The following GABRB2 variants were observed in gnomAD, a reference collection of about 807,000 sequenced individuals.
The protein encoded by GABRB2 is gamma-aminobutyric acid receptor subunit beta-2.
In GABRB2, 16 loss-of-function variants were observed where a neutral mutation model predicts 54.7. The ratio of observed to expected loss-of-function variants is 0.29; its 90% CI spans 0.20 to 0.44. The LOEUF (loss-of-function observed/expected upper bound fraction) is 0.44, where lower values mean the gene tolerates loss of function less well. Ranked by LOEUF, GABRB2 falls within the 20% of genes least tolerant of loss-of-function variation. GABRB2 has a pLI of 1.00. For missense variants in GABRB2, 355 were observed against 644.0 expected, an observed-to-expected ratio of 0.55 and a Z score of 4.86; for synonymous variants, 244 against 233.8, an observed-to-expected ratio of 1.04 and a Z score of -0.40.
intron 5 of GABRB2, among the ~76,000 whole-genome samples, chr5:161,355,162 T>G (rs192773613): frequency 1.3e-5 from 2 of 151,900 alleles, no homozygotes; most frequent in East Asian, 3.9e-4. Context: ...ATTTTCTTTA[T>G]AGTTGATCAT....
intron 4 of GABRB2, among the ~76,000 whole-genome samples, chr5:161,445,578 T>C (rs1757593188): frequency 6.6e-6 from 1 of 152,120 alleles, no homozygotes; most frequent in Non-Finnish European, 1.5e-5. Context: ...AGAGACTCTT[T>C]AAGTCTGATA....
At position 161,336,962 on chromosome 5, in the gene GABRB2, A is replaced by C. The variant is rs1754012861; in HGVS notation, c.542-193T>G. Among the ~76,000 whole-genome samples the C allele has an allele frequency of 3.9e-5, 6 of 152,126 alleles. No homozygotes were observed. In the South Asian group the frequency reaches 1.2e-3, roughly 31 times the overall value. The stretch of plus-strand genomic sequence containing the variant: ...ATTACTGTATTTAATCCTCATGACG[A>C]TCTCATTAGGGTAGTATAATTAGGC... On this transcript the variant is annotated intron_variant, in intron 5 of 9. Coordinates refer to ENST00000393959, the MANE Select transcript of GABRB2 (RefSeq NM_001371727.1).
rs937660363 is a variant in GABRB2 at position 161,313,582 on chromosome 5, G to T, written c.1191+12786C>A. 2.0e-5 allele frequency among the ~76,000 whole-genome samples: 3 copies of T among 151,298 alleles called. No homozygotes were observed. In the East Asian group the frequency reaches 5.9e-4, roughly 30 times the overall value. On this transcript the variant is annotated intron_variant, in intron 9 of 9. Coordinates refer to ENST00000393959, the MANE Select transcript of GABRB2 (RefSeq NM_001371727.1). ...GAGAGAGCCAATGCTACTGAATTTA[G>T]AAATAGATCTTAGGAAAATGGGAAA...
At chr5:161,442,642 G>A (rs566301832) in intron 4 of GABRB2, among the ~76,000 whole-genome samples, 11 of 152,272 alleles carry the variant, frequency 7.2e-5, no homozygotes, top group African/African-American at 2.6e-4. Flanking sequence ...CTCCACAGGT[G>A]GCAGCCATTC....
intron 9 of GABRB2, among the ~76,000 whole-genome samples, chr5:161,311,365 A>T (rs1024108672): frequency 1.3e-5 from 2 of 151,838 alleles, no homozygotes; most frequent in Admixed American, 6.6e-5. Flanking sequence ...CTTCACACGC[A>T]ATCTGTGATT....
intron 3 of GABRB2, among the ~76,000 whole-genome samples, chr5:161,471,671 G>C (rs1400058728): frequency 6.6e-6 from 1 of 151,880 alleles, no homozygotes; most frequent in Non-Finnish European, 1.5e-5. Context: ...CTGGTTCTAA[G>C]GATTGCTAAA....
chr5:161,443,252 T>C (rs965778132), intron 4 of GABRB2, among the ~76,000 whole-genome samples: 1 of 152,220 alleles, frequency 6.6e-6, no homozygotes. Context: ...AAGGATAAAA[T>C]AGCTTTTTGT....
chr5:161,324,539 A>G (rs189236887), intron 9 of GABRB2, among the ~76,000 whole-genome samples: 1 of 152,278 alleles, frequency 6.6e-6, no homozygotes, highest in Non-Finnish European at 1.5e-5. Context: ...TAAAGCTTGG[A>G]AAGGTTAAAC....
chr5:161,335,511 G>A (rs1377686017), intron 6 of GABRB2, among the ~76,000 whole-genome samples: 3 of 152,112 alleles, frequency 2.0e-5, no homozygotes, highest in Non-Finnish European at 4.4e-5. Context: ...TAAAGAATCA[G>A]CTTCCTAAAT....
At chr5:161,544,701 T>C (rs1007204480) in intron 3 of GABRB2, among the ~76,000 whole-genome samples, 2 of 152,062 alleles carry the variant, frequency 1.3e-5, no homozygotes, top group Admixed American at 6.6e-5. Context: ...GCAGGAGGGA[T>C]TAAAGCAAGC....
intron 3 of GABRB2, among the ~76,000 whole-genome samples, chr5:161,528,959 C>T (rs1380863393): frequency 4.6e-5 from 7 of 151,788 alleles, no homozygotes; most frequent in Admixed American, 6.6e-5. Context: ...GATAGGTATG[C>T]CACCTCATTA....
intron 4 of GABRB2, among the ~76,000 whole-genome samples, chr5:161,423,945 G>C (rs1459726206): frequency 6.6e-6 from 1 of 152,070 alleles, no homozygotes; most frequent in African/African-American, 2.4e-5. Context: ...TTAGTGCTCT[G>C]GATGGAAGAT....
chr5:161,469,710 CA>C (rs1758384656), intron 3 of GABRB2, among the ~76,000 whole-genome samples: 2 of 151,644 alleles, frequency 1.3e-5, no homozygotes, highest in African/African-American at 4.8e-5. Context: ...CATACACATA[CA>C]CATACACATA....
rs1757229220 is a variant in GABRB2 at position 161,291,204 on chromosome 5, A to C, written c.*2877T>G. 1 of 152,562 alleles carries C rather than the reference A, an allele frequency of 6.6e-6. No individual in the cohort carries two copies. 9.5% of individuals were successfully genotyped at this position (152,562 alleles called of 1,614,324 possible). A position where few individuals can be genotyped will look rare whatever the true frequency, so the allele number is the denominator to read the frequency against. Reference sequence around the variant, plus strand: ...TGCATTTTAGAGTCAGAATTTGTCCATGAATTTCACAAAGATGAAAAAACA... The same window carrying C: ...TGCATTTTAGAGTCAGAATTTGTCCCTGAATTTCACAAAGATGAAAAAACA... On this transcript the variant is annotated 3_prime_UTR_variant, in exon 10 of 10. Coordinates refer to ENST00000393959, the MANE Select transcript of GABRB2 (RefSeq NM_001371727.1).
Position 161,431,959 on chromosome 5 carries a change from T to C in GABRB2, c.459-20902A>G, listed in dbSNP as rs114624880. Among the ~76,000 whole-genome samples the C allele has an allele frequency of 4.9e-3, 749 of 152,316 alleles. 9 individuals are homozygous for C. The highest frequency in any genetic ancestry group is 6.4e-3 in the Non-Finnish European group (438 of 68,024). On this transcript the variant is annotated intron_variant, in intron 4 of 9. Transcript: ENST00000393959. Reference sequence around the variant, plus strand: ...CAGAATACTTTGAAGAACTAGGCCATGTGCAACAAGTTATATAGAGCAGAG... The same window carrying C: ...CAGAATACTTTGAAGAACTAGGCCACGTGCAACAAGTTATATAGAGCAGAG...
chr5:161,376,616 A>G (rs1755309137), intron 5 of GABRB2, among the ~76,000 whole-genome samples: 1 of 152,146 alleles, frequency 6.6e-6, no homozygotes, highest in South Asian at 2.1e-4. Context: ...ATTTTGTAGG[A>G]AATTAGCTAA....
intron 3 of GABRB2, among the ~76,000 whole-genome samples, chr5:161,481,936 G>T (rs1758774805): frequency 6.6e-6 from 1 of 151,946 alleles, no homozygotes; most frequent in South Asian, 2.1e-4. Flanking sequence ...CCAATACTTA[G>T]AAACGGGAGG....
Position 161,341,724 on chromosome 5 carries a change from T to A in GABRB2, c.542-4955A>T, listed in dbSNP as rs911396561. On this transcript the variant is annotated intron_variant, in intron 5 of 9. Coordinates refer to ENST00000393959, the MANE Select transcript of GABRB2 (RefSeq NM_001371727.1). The stretch of plus-strand genomic sequence containing the variant: ...CAATAACTAAATATGATCTCACAAC[T>A]GTGACATTATCTGATTATATAACAT... Among the ~76,000 whole-genome samples, 34 of 151,276 alleles carry A rather than the reference T, an allele frequency of 2.2e-4. 1 individual carries two copies. The highest frequency in any genetic ancestry group is 2.0e-3 in the Admixed American group (31 of 15,138).
intron 9 of GABRB2, among the ~76,000 whole-genome samples, chr5:161,311,121 T>C (rs997491714): frequency 1.3e-5 from 2 of 152,198 alleles, no homozygotes; most frequent in Non-Finnish European, 2.9e-5. Flanking sequence ...TTTGTCTAAC[T>C]GCTTTCATAT....
Sources: allele counts gnomAD v4.1 joint callset (sites outside exome capture counted in the v4.1 genomes callset), GRCh38; gene constraint gnomAD v4.1.1; transcripts MANE v1.5; gene names NCBI Gene and HGNC (gene_info 2026-07-23, HGNC 2026-07-21).